Variants in ATG9B observed in about 807,000 individuals in gnomAD.
The protein encoded by ATG9B is autophagy-related protein 9B.
In ATG9B, 92 loss-of-function variants were observed where a neutral mutation model predicts 92.9. The ratio of observed to expected loss-of-function variants is 0.99; its 90% CI spans 0.84 to 1.18. The LOEUF (loss-of-function observed/expected upper bound fraction) is 1.18, where lower values mean the gene tolerates loss of function less well. ATG9B is among the 50% of genes most tolerant of loss of function. ATG9B has a pLI of 0.00. For missense variants in ATG9B, 1,344 were observed against 1,235.0 expected (o/e 1.09, Z -1.32); for synonymous variants, 599 against 551.4 (o/e 1.09, Z -1.21).
chr7:151,014,032 A>G (rs888441937), downstream of ATG9B: 1 of 1,613,358 alleles, frequency 6.2e-7, no homozygotes, highest in East Asian at 2.2e-5. Flanking sequence ...CCACGAAGAC[A>G]TTTTCGGGCT....
In ATG9B at chr7:151,023,159, A is replaced by G; in HGVS notation, c.707T>C (p.Val236Ala). The change falls in exon 4 of 14, where the codon GTG becomes GCG. Residue 236 changes from valine to alanine, a missense_variant. Coordinates refer to ENST00000639579, the MANE Select transcript of ATG9B (RefSeq NM_001317056.2). The stretch of plus-strand genomic sequence containing the variant: ...GTTGGCAAAGAGAACATTGTAATCC[A>G]CGCATCGAAGGAGGAAGGTTGTGAA... Reference protein sequence around the residue: ...VTFTTFLLRCVDYNVLFANQP... With the variant: ...VTFTTFLLRCADYNVLFANQP... The G allele has an allele frequency of 6.2e-7, 1 of 1,614,222 alleles. No individual in the cohort carries two copies. The highest frequency in any genetic ancestry group is 1.1e-5 in the South Asian group (1 of 91,086).
chr7:151,014,412 AG>A (rs1336407942), downstream of ATG9B: 13 of 494,120 alleles, frequency 2.6e-5, no homozygotes, highest in East Asian at 4.1e-4. Flanking sequence ...GCGGTACCCC[AG>A]GGCCTACTGC....
chr7:151,013,685 A>AC (rs1795363852), downstream of ATG9B: 11 of 702,334 alleles, frequency 1.6e-5, no homozygotes, highest in Non-Finnish European at 2.3e-5. Context: ...CCCCGCGCCC[A>AC]CCCCCACCAG....
rs904051474 is a variant in ATG9B at position 151,021,294 on chromosome 7, A to G, written c.857T>C (p.Val286Ala). Residue 286 changes from valine to alanine, a missense_variant, in exon 5 of 14, where the codon GTC (valine) becomes GCC (alanine). By Grantham distance (64) the Val-to-Ala change is moderately conservative. Transcript: ENST00000639579. Reference sequence around the variant, plus strand: ...GACCAGCCAGAAGCCGGCAGCCAGGACCAGGAGGAGGACCAGCAGCGGGCT... The same window carrying G: ...GACCAGCCAGAAGCCGGCAGCCAGGGCCAGGAGGAGGACCAGCAGCGGGCT... ...RSSPLLVLLL[V>A]LAAGFWLVQL... The G allele has an allele frequency of 9.9e-6, 16 of 1,613,342 alleles. No individual in the cohort carries two copies. The highest frequency in any genetic ancestry group is 1.3e-5 in the Non-Finnish European group (15 of 1,179,658).
At chr7:151,020,527 C>T (rs1211093128) in intron 5 of ATG9B, among the ~76,000 whole-genome samples, 2 of 152,226 alleles carry the variant, frequency 1.3e-5, no homozygotes, top group Non-Finnish European at 1.5e-5. Flanking sequence ...CACATAAAGG[C>T]TGTGCAGAGG....
At chr7:151,014,254 C>G, downstream of ATG9B, 3 of 1,338,416 alleles carry the variant, frequency 2.2e-6, no homozygotes, top group South Asian at 1.4e-5. Context: ...CGCTCCTCCC[C>G]TCTTGAGGTG....
At chr7:151,023,596 T>C (rs535284855) in intron 2 of ATG9B, 87 bp from the exon 3 acceptor site, 5 of 1,609,730 alleles carry the variant, frequency 3.1e-6, no homozygotes, top group Non-Finnish European at 4.3e-6. Flanking sequence ...CTCCCACCCA[T>C]GACGCCCTCA....
Position 151,019,377 on chromosome 7 carries a change from G to C in ATG9B, c.964-3C>G. On this transcript the variant is annotated splice_polypyrimidine_tract_variant and splice_region_variant and intron_variant, in intron 5 of 13. Transcript: ENST00000639579. ...CAGGGAACCGAGCTCAGCTCCTCCT[G>C]AAAGGGGCACTGATGAGAGCCAGCG... 6.6e-7 allele frequency: 1 copy of C among 1,515,410 alleles called. No individual in the cohort carries two copies. 93.9% of individuals were successfully genotyped at this position (1,515,410 alleles called of 1,614,324 possible). A position where few individuals can be genotyped will look rare whatever the true frequency, so the allele number is the denominator to read the frequency against.
downstream of ATG9B, chr7:151,014,017 C>CATTTTCCT: frequency 6.2e-7 from 1 of 1,612,754 alleles, no homozygotes. Context: ...GGATCAGCAA[C>CATTTTCCT]GCTACCACGA....
chr7:151,018,688 CTCG>C lies in ATG9B; in HGVS notation c.1647_1649del (p.Asp549del). On this transcript the variant is annotated inframe_deletion, in exon 6 of 14. Transcript: ENST00000639579. This position sits in a 1 kb window ranked among gnomAD's most constrained non-coding sequence, Gnocchi z 4.7. ...GCACGTGCTCCACGGCTAGCACGTC[CTCG>C]TCGTAGACGGTGAGCACAAGCAGCG... 6.2e-7 allele frequency: 1 copy of C among 1,605,574 alleles called. No homozygotes were observed. The highest frequency in any genetic ancestry group is 1.7e-5 in the Admixed American group (1 of 59,572).
intron 5 of ATG9B, chr7:151,020,247 C>G (rs1219018826): frequency 1.3e-5 from 2 of 152,778 alleles, no homozygotes; most frequent in Non-Finnish European, 2.9e-5. Flanking sequence ...AGGCTGCAAA[C>G]CTCACTTCAG....
Position 151,017,125 on chromosome 7 carries a change from G to T in ATG9B, c.2200C>A (p.Arg734=). The change falls in exon 9 of 14, where the codon CGA becomes AGA. Residue 734 remains arginine (R), a synonymous_variant. Transcript: ENST00000639579. ...SSKFLGHLWG[R]VQQDAAAWGA... Reference sequence around the variant, plus strand: ...CAGGCAGCTGCATCTTGTTGTACTCGGCCCCAGAGGTGCCCAAGAAACTTA... The same window carrying T: ...CAGGCAGCTGCATCTTGTTGTACTCTGCCCCAGAGGTGCCCAAGAAACTTA... The T allele has an allele frequency of 6.2e-7, 1 of 1,612,618 alleles. No individual in the cohort carries two copies. The highest frequency in any genetic ancestry group is 1.1e-5 in the South Asian group (1 of 90,922).
Position 151,021,285 on chromosome 7 carries a change from G to A in ATG9B, c.866C>T (p.Ala289Val), listed in dbSNP as rs781328947. ...AAGCAGTTGGACCAGCCAGAAGCCG[G>A]CAGCCAGGACCAGGAGGAGGACCAG... ...PLLVLLLVLA[A>V]GFWLVQLLRS... Residue 289 changes from alanine to valine, a missense_variant, in exon 5 of 14, where the codon GCC becomes GTC. Coordinates refer to ENST00000639579, the MANE Select transcript of ATG9B (RefSeq NM_001317056.2). The A allele has an allele frequency of 6.2e-6, 10 of 1,613,350 alleles. No homozygotes were observed. The highest frequency in any genetic ancestry group is 5.5e-5 in the South Asian group (5 of 91,048).
chr7:151,012,216 TTG>T, downstream of ATG9B: 4 of 706,480 alleles, frequency 5.7e-6, no homozygotes, highest in South Asian at 2.4e-5. Flanking sequence ...GAGTTGTTTT[TTG>T]TTTTTTGTTT....
Position 151,015,887 on chromosome 7 carries a change from G to T in ATG9B, c.*9C>A, listed in dbSNP as rs895130238. On this transcript the variant is annotated 3_prime_UTR_variant, in exon 13 of 14. Coordinates refer to ENST00000639579, the MANE Select transcript of ATG9B (RefSeq NM_001317056.2). The stretch of plus-strand genomic sequence containing the variant: ...TCACAGGAGGCAATACTGACCCTGA[G>T]GAGTCGTCTCAGTCAGTGCAAGAGG... 6.4e-7 allele frequency: 1 copy of T among 1,550,968 alleles called. No homozygotes were observed. The highest frequency in any genetic ancestry group is 8.7e-7 in the Non-Finnish European group (1 of 1,146,658).
At chr7:151,021,376 G>T (rs1201123136) in intron 4 of ATG9B, 47 bp from the exon 5 acceptor site, 1 of 1,529,182 alleles carries the variant, frequency 6.5e-7, no homozygotes. Context: ...GGGCGCCTGA[G>T]AAAGAGGCAG....
chr7:151,016,739 G>A lies in ATG9B; in HGVS notation c.2372C>T (p.Ala791Val), dbSNP rs3800789. 60,196 of 1,612,026 alleles carry A rather than the reference G, an allele frequency of 0.037. 1,652 individuals are homozygous for A. Among genetic ancestry groups the A allele is most frequent in the East Asian group, 0.17 (7,551 of 44,806 alleles). Residue 791 changes from alanine to valine, a missense_variant, in exon 10 of 14, where the codon GCG (alanine) becomes GTG (valine). Ala to Val is a moderately conservative substitution (Grantham distance 64, BLOSUM62 0). Transcript: ENST00000639579. ...DLSPTAPCPA[A>V]ATASLLASIS... Reference sequence around the variant, plus strand: ...GGAGGCAAGGAGGCTGGCTGTGGCCGCAGCTGGACAGGGGGCTGTCGGGCT... The same window carrying A: ...GGAGGCAAGGAGGCTGGCTGTGGCCACAGCTGGACAGGGGGCTGTCGGGCT...
At position 151,023,170 on chromosome 7, in the gene ATG9B, G is replaced by C; in HGVS notation, c.696C>G (p.Leu232=). 6.2e-7 allele frequency: 1 copy of C among 1,614,216 alleles called. No individual in the cohort carries two copies. The highest frequency in any genetic ancestry group is 8.5e-7 in the Non-Finnish European group (1 of 1,180,046). Residue 232 remains leucine, a synonymous_variant, in exon 4 of 14, where the codon CTC becomes CTG. Transcript: ENST00000639579. Reference sequence around the variant, plus strand: ...GAACATTGTAATCCACGCATCGAAGGAGGAAGGTTGTGAAGGTGACAATGA... The same window carrying C: ...GAACATTGTAATCCACGCATCGAAGCAGGAAGGTTGTGAAGGTGACAATGA... ...FIFIVTFTTF[L]LRCVDYNVLF... is the part of the protein sequence containing the mutation.
In ATG9B at chr7:151,024,469, T is replaced by C. The variant is rs565688091; in HGVS notation, c.-46A>G. The C allele has an allele frequency of 5.5e-6, 7 of 1,273,234 alleles. No individual in the cohort carries two copies. In the South Asian group the frequency reaches 9.2e-5, roughly 17 times the overall value. 78.9% of individuals were successfully genotyped at this position (1,273,234 alleles called of 1,614,324 possible). A position where few individuals can be genotyped will look rare whatever the true frequency, so the allele number is the denominator to read the frequency against. On this transcript the variant is annotated 5_prime_UTR_variant, in exon 1 of 14. Transcript: ENST00000639579. ...AAGGTTGGAAGGATGGGAGCTGTTG[T>C]TGCTTCCACAAAGGTCTGTGACACT...
Sources: gnomAD v4.1 joint callset for allele counts (sites outside exome capture counted in the v4.1 genomes callset) on GRCh38, gnomAD v4.1.1 for gene constraint, Gnocchi (gnomAD v3.1) non-coding constraint, MANE v1.5 for transcripts, NCBI Gene and HGNC (gene_info 2026-07-23, HGNC 2026-07-21) for gene names.